TP73: variants seen among roughly 807,000 people sequenced by gnomAD.
TP73 encodes tumor protein p73, also known as p53-like transcription factor.
TP73 carries 25 observed loss-of-function variants against 62.5 expected under a neutral mutation model. The observed-to-expected ratio is 0.40, with a 90% CI of 0.29 to 0.56. The LOEUF is 0.56. TP73 is among the 20% of genes least tolerant of loss of function. The pLI is 0.46. For missense variants in TP73, 754 were observed against 913.3 expected, an observed-to-expected ratio of 0.83 and a Z score of 2.25; for synonymous variants, 423 against 377.5, an observed-to-expected ratio of 1.12 and a Z score of -1.40.
intron 10 of TP73, 67 bp downstream of exon 10, chr1:3,729,515 C>T: frequency 6.2e-7 from 1 of 1,605,410 alleles, no homozygotes; most frequent in Non-Finnish European, 8.5e-7. Flanking sequence ...CAGGAGAAGG[C>T]CAGGAGGACC....
intron 1 of TP73, among the ~76,000 whole-genome samples, chr1:3,681,300 C>G (rs1390858882): frequency 6.6e-6 from 1 of 152,214 alleles, no homozygotes; most frequent in Non-Finnish European, 1.5e-5. Context: ...CACCGAGGAC[C>G]TGGGAGGCTG....
At chr1:3,690,501 G>C (rs919329605) in intron 3 of TP73, among the ~76,000 whole-genome samples, 3 of 152,212 alleles carry the variant, frequency 2.0e-5, no homozygotes, top group Non-Finnish European at 2.9e-5. Context: ...GCAGCATCTC[G>C]GAAGGAGCCC....
intron 4 of TP73, among the ~76,000 whole-genome samples, chr1:3,719,502 T>C (rs1275418540): frequency 6.6e-6 from 1 of 152,212 alleles, no homozygotes; most frequent in Non-Finnish European, 1.5e-5. Flanking sequence ...AGGCGTGGTG[T>C]GTAGCTTCAG....
In TP73 at chr1:3,707,946, C is replaced by T. The variant is rs1639814213; in HGVS notation, c.429+155C>T. The T allele has an allele frequency of 5.4e-6, 7 of 1,301,750 alleles. No homozygotes were observed. In the East Asian group the frequency reaches 7.6e-5, roughly 14 times the overall value. The allele number at this position is 1,301,750 out of a possible 1,614,324, so 80.6% of individuals were successfully genotyped here. On this transcript the variant is annotated intron_variant, in intron 4 of 13. Transcript: ENST00000378295. ...GCCAGGAGGAGCATCGGGCAGGAGG[C>T]GGGTCTCAGGGCCGGGCAGTCTGGG... is the stretch of plus-strand genomic sequence containing the variant.
At chr1:3,693,176 G>A (rs1376053086) in intron 3 of TP73, among the ~76,000 whole-genome samples, 2 of 152,174 alleles carry the variant, frequency 1.3e-5, no homozygotes, top group East Asian at 1.9e-4. Flanking sequence ...GGGCGGAGTG[G>A]TGACTCAGTT....
At chr1:3,730,214 A>G in intron 11 of TP73, 66 bp downstream of exon 11, 2 of 1,421,064 alleles carry the variant, frequency 1.4e-6, no homozygotes, top group Non-Finnish European at 1.9e-6. Flanking sequence ...CGCCTAGCTC[A>G]GGACACACCA....
chr1:3,703,848 C>T (rs1288198508), intron 3 of TP73, among the ~76,000 whole-genome samples: 5 of 152,142 alleles, frequency 3.3e-5, no homozygotes, highest in African/African-American at 1.2e-4. Flanking sequence ...GCCCGGGGGA[C>T]TCAAATGAGT....
At chr1:3,678,963 G>A (rs928482872) in intron 1 of TP73, among the ~76,000 whole-genome samples, 12 of 152,242 alleles carry the variant, frequency 7.9e-5, no homozygotes, top group African/African-American at 2.9e-4. Flanking sequence ...CACCCCACAT[G>A]CTCCTGGTGG....
chr1:3,654,576 A>C (rs1644826375), intron 1 of TP73, among the ~76,000 whole-genome samples: 1 of 152,228 alleles, frequency 6.6e-6, no homozygotes, highest in Admixed American at 6.5e-5. Context: ...CTTGGAGAAC[A>C]GTCAGTGAGG....
intron 1 of TP73, among the ~76,000 whole-genome samples, chr1:3,655,655 A>G (rs1644850052): frequency 1.3e-5 from 2 of 152,268 alleles, no homozygotes; most frequent in African/African-American, 4.8e-5. Flanking sequence ...TTTTATCACC[A>G]GTAAGTAGGC....
chr1:3,713,658 AGAG>A (rs1260689535), intron 4 of TP73, among the ~76,000 whole-genome samples: 1 of 152,182 alleles, frequency 6.6e-6, no homozygotes, highest in Non-Finnish European at 1.5e-5. Flanking sequence ...GCCTCTGGGT[AGAG>A]AAGGCCCTGA....
chr1:3,655,785 C>T (rs1175013291), intron 1 of TP73, among the ~76,000 whole-genome samples: 1 of 152,202 alleles, frequency 6.6e-6, no homozygotes, highest in Non-Finnish European at 1.5e-5. Flanking sequence ...TGAAAACACA[C>T]AATGGCTTTC....
rs1388274728 is a variant in TP73 at position 3,727,981 on chromosome 1, G to C, written c.986-148G>C. ...CTCAGAGGCCTGGGTGGCACCGCAG[G>C]TTTGCCCGTCCCTGTGGGTTGCTCA... is the stretch of plus-strand genomic sequence containing the variant. On this transcript the variant is annotated intron_variant, in intron 8 of 13. Coordinates refer to ENST00000378295, the MANE Select transcript of TP73 (RefSeq NM_005427.4). The C allele has an allele frequency of 2.6e-6, 3 of 1,149,446 alleles. No homozygotes were observed. The East Asian group carries it at 7.6e-5, about 29-fold the overall frequency. The allele number at this position is 1,149,446 out of a possible 1,614,324, so 71.2% of individuals were successfully genotyped here.
intron 3 of TP73, among the ~76,000 whole-genome samples, chr1:3,690,301 C>G (rs1645778966): frequency 6.6e-6 from 1 of 152,198 alleles, no homozygotes; most frequent in South Asian, 2.1e-4. Flanking sequence ...TGGCGGACCA[C>G]CGAGTTCCCC....
intron 1 of TP73, among the ~76,000 whole-genome samples, chr1:3,667,238 GA>G (rs1356808081): frequency 1.3e-5 from 2 of 152,202 alleles, no homozygotes; most frequent in Non-Finnish European, 2.9e-5. Flanking sequence ...GGAAGAGGGG[GA>G]AATGTATTCT....
chr1:3,723,541 G>A (rs1485113618), intron 6 of TP73, 72 bp downstream of exon 6: 6 of 751,160 alleles, frequency 8.0e-6, no homozygotes, highest in Middle Eastern at 2.7e-4. Flanking sequence ...GTCCCCTGAG[G>A]CAGCCCCTGT....
chr1:3,671,194 G>T (rs778263047), intron 1 of TP73, among the ~76,000 whole-genome samples: 77 of 152,214 alleles, frequency 5.1e-4, no homozygotes, highest in Non-Finnish European at 1.1e-3. Context: ...ACTGCCTCAG[G>T]GATGGCAGGG....
At chr1:3,679,945 GTCTCTCTTTGTC>G (rs1645481022) in intron 1 of TP73, among the ~76,000 whole-genome samples, 2 of 143,708 alleles carry the variant, frequency 1.4e-5, no homozygotes, top group African/African-American at 5.3e-5. Flanking sequence ...GTCTCTTTCT[GTCTCTCTTTGTC>G]TCTCTCTTTG....
At chr1:3,723,245 T>C (rs1641244564) in intron 5 of TP73, 109 bp from the exon 6 acceptor site, 1 of 807,708 alleles carries the variant, frequency 1.2e-6, no homozygotes. Context: ...GCACCTGACA[T>C]GGGGCTGGGC....
Sources: gnomAD v4.1 joint callset for allele counts (sites outside exome capture counted in the v4.1 genomes callset) on GRCh38, gnomAD v4.1.1 for gene constraint, MANE v1.5 for transcripts, NCBI Gene and HGNC (gene_info 2026-07-23, HGNC 2026-07-21) for gene names.